DIS3L2: variants seen among roughly 807,000 people sequenced by gnomAD.
DIS3L2 encodes the protein DIS3 like 3'-5' exoribonuclease 2.
Under a neutral mutation model 97.5 loss-of-function variants are expected in DIS3L2, and 34 were observed. The ratio of observed to expected loss-of-function variants is 0.35; its 90% confidence interval spans 0.27 to 0.46. The LOEUF is 0.46. Ranked by LOEUF, DIS3L2 falls within the 20% of genes least tolerant of loss-of-function variation. The pLI is 1.00. For synonymous variants in DIS3L2, 435 were observed against 445.2 expected, an observed-to-expected ratio of 0.98 and a Z score of 0.29; for missense variants, 1,038 against 1,146.0, an observed-to-expected ratio of 0.91 and a Z score of 1.36.
intron 13 of DIS3L2, among the ~76,000 whole-genome samples, chr2:232,298,011 A>G (rs1694763513): frequency 6.6e-6 from 1 of 152,144 alleles, no homozygotes; most frequent in Non-Finnish European, 1.5e-5. Context: ...TCTTTCTTCT[A>G]GGAAGTCTTT....
At chr2:232,095,613 A>G (rs1484360010) in intron 6 of DIS3L2, among the ~76,000 whole-genome samples, 1 of 152,194 alleles carries the variant, frequency 6.6e-6, no homozygotes, top group Non-Finnish European at 1.5e-5. Context: ...TTACAGTGTT[A>G]TAATATTTCA....
intron 6 of DIS3L2, among the ~76,000 whole-genome samples, chr2:232,125,176 T>C (rs555237081): frequency 3.3e-5 from 5 of 152,354 alleles, no homozygotes; most frequent in South Asian, 2.1e-4. Flanking sequence ...GTTTAGCCGC[T>C]CTGTCAAACT....
downstream of DIS3L2, among the ~76,000 whole-genome samples, chr2:232,339,095 C>T (rs1477908916): frequency 6.6e-6 from 1 of 152,212 alleles, no homozygotes; most frequent in Non-Finnish European, 1.5e-5. Context: ...GGCAGTGGCC[C>T]AGCCTGAGGA....
chr2:232,105,436 A>G (rs1280180473), intron 6 of DIS3L2, among the ~76,000 whole-genome samples: 1 of 152,198 alleles, frequency 6.6e-6, no homozygotes, highest in Non-Finnish European at 1.5e-5. Flanking sequence ...TAATGATTAC[A>G]TCTGTTCTTT....
chr2:232,308,105 G>C (rs1695032824), intron 14 of DIS3L2, among the ~76,000 whole-genome samples: 1 of 152,250 alleles, frequency 6.6e-6, no homozygotes, highest in Non-Finnish European at 1.5e-5. Flanking sequence ...TCAGAGTTCT[G>C]GGTTAGGCCA....
rs777524966 is a variant in DIS3L2, at chr2:232,334,357, C to T, written c.2159-12C>T. 3 of 1,612,714 alleles carry T rather than the reference C, an allele frequency of 1.9e-6. No homozygotes were observed. Among genetic ancestry groups the T allele is most frequent in the African/African-American group, 2.7e-5 (2 of 74,928 alleles). On this transcript the variant is annotated splice_polypyrimidine_tract_variant and intron_variant, in intron 17 of 20. Coordinates refer to ENST00000325385, the MANE Select transcript of DIS3L2 (RefSeq NM_152383.5). ...CAGGCTCCCACTCTCATGCCTCACC[C>T]CCTCTTCCCAGGCTATAGGGAGCGA...
chr2:232,295,858 G>A (rs938723344), intron 13 of DIS3L2, among the ~76,000 whole-genome samples: 3 of 152,116 alleles, frequency 2.0e-5, no homozygotes, highest in Non-Finnish European at 2.9e-5. Flanking sequence ...AGGATTTAAC[G>A]CTGCTGACTA....
chr2:232,010,041 G>A (rs1694152224), intron 1 of DIS3L2, among the ~76,000 whole-genome samples: 1 of 152,184 alleles, frequency 6.6e-6, no homozygotes, highest in African/African-American at 2.4e-5. Flanking sequence ...GGAATTGGGA[G>A]CGAGTGTGGG....
rs912982859 is a variant in DIS3L2, at chr2:232,268,996, C to T, written c.1659+5556C>T. On this transcript the variant is annotated intron_variant, in intron 13 of 20. Coordinates refer to ENST00000325385, the MANE Select transcript of DIS3L2 (RefSeq NM_152383.5). The surrounding 1 kb of genome is among the most constrained non-coding windows in gnomAD (Gnocchi z 4.1). ...TCCCTTATTCCATTTACAGGCAGGT[C>T]GCTTTAATTAGCCTGAAGCAAAAGG... Among the ~76,000 whole-genome samples the T allele has an allele frequency of 6.6e-6, 1 of 152,190 alleles. No individual in the cohort carries two copies. Among genetic ancestry groups the T allele is most frequent in the African/African-American group, 2.4e-5 (1 of 41,434 alleles).
chr2:232,315,872 A>T (rs1304905387), intron 14 of DIS3L2, among the ~76,000 whole-genome samples: 1 of 152,022 alleles, frequency 6.6e-6, no homozygotes, highest in Non-Finnish European at 1.5e-5. Context: ...AACAACATAG[A>T]TCATTCCACT....
chr2:232,068,052 T>C (rs1192152624), intron 5 of DIS3L2, among the ~76,000 whole-genome samples: 2 of 152,154 alleles, frequency 1.3e-5, no homozygotes, highest in Admixed American at 6.5e-5. Context: ...CAAGAAGTAG[T>C]ATTCAGAGCA....
intron 12 of DIS3L2, among the ~76,000 whole-genome samples, chr2:232,251,036 A>G (rs1693405078): frequency 6.6e-6 from 1 of 152,246 alleles, no homozygotes; most frequent in Non-Finnish European, 1.5e-5. Flanking sequence ...GGAAGCTTCT[A>G]ATGTGAAATA....
At chr2:232,267,180 G>C (rs1479036100) in intron 13 of DIS3L2, among the ~76,000 whole-genome samples, 1 of 152,134 alleles carries the variant, frequency 6.6e-6, no homozygotes, top group Non-Finnish European at 1.5e-5. Flanking sequence ...TTCCATGAAG[G>C]CCACCTACTA....
intron 13 of DIS3L2, among the ~76,000 whole-genome samples, chr2:232,272,179 G>A (rs75156423): frequency 0.019 from 2,968 of 152,240 alleles, 98 homozygotes; most frequent in African/African-American, 0.068. Context: ...AGGAATACAG[G>A]TTGCATTATT....
At chr2:232,195,492 T>G (rs1277423365) in intron 9 of DIS3L2, among the ~76,000 whole-genome samples, 1 of 140,370 alleles carries the variant, frequency 7.1e-6, no homozygotes, top group Non-Finnish European at 1.5e-5. Flanking sequence ...GGGTTGGGGA[T>G]GAAATCATAG....
intron 6 of DIS3L2, among the ~76,000 whole-genome samples, chr2:232,095,037 G>C (rs894364964): frequency 6.6e-6 from 1 of 152,046 alleles, no homozygotes; most frequent in African/African-American, 2.4e-5. Flanking sequence ...TTCAGTTGAT[G>C]TGTGTCTTTA....
intron 10 of DIS3L2, among the ~76,000 whole-genome samples, chr2:232,216,567 C>T (rs1361537082): frequency 6.6e-6 from 1 of 152,086 alleles, no homozygotes; most frequent in Non-Finnish European, 1.5e-5. Context: ...TTCCACCCCT[C>T]TCACCTAGCC....
chr2:232,215,968 A>G (rs1263407439), intron 10 of DIS3L2, among the ~76,000 whole-genome samples: 1 of 152,064 alleles, frequency 6.6e-6, no homozygotes, highest in African/African-American at 2.4e-5. Flanking sequence ...TTCCCCAGCA[A>G]TCATTCACCC....
At chr2:232,336,269 G>T in intron 20 of DIS3L2, 200 bp from the exon 21 acceptor site, 1 of 1,544,788 alleles carries the variant, frequency 6.5e-7, no homozygotes, top group African/African-American at 1.4e-5. Context: ...CCTTGGGAGC[G>T]CTCAGGATGC....
Sources: gnomAD v4.1 joint callset for allele counts (sites outside exome capture counted in the v4.1 genomes callset) on GRCh38, gnomAD v4.1.1 for gene constraint, Gnocchi (gnomAD v3.1) non-coding constraint, MANE v1.5 for transcripts, NCBI Gene and HGNC (gene_info 2026-07-23, HGNC 2026-07-21) for gene names.